RFTN1: variants seen among roughly 807,000 people sequenced by gnomAD.
RFTN1 encodes the protein raftlin, lipid raft linker 1, also known as raftlin.
RFTN1 carries 26 observed loss-of-function variants against 46.5 expected under a neutral mutation model. The observed-to-expected ratio is 0.56, with a 90% CI of 0.41 to 0.78. The LOEUF (loss-of-function observed/expected upper bound fraction) is 0.78, where lower values mean the gene tolerates loss of function less well. Among genes scored for constraint, RFTN1 ranks in the 30% least tolerant of loss-of-function variants. RFTN1 has a pLI of 0.00. For synonymous variants in RFTN1, 261 were observed against 284.2 expected, an observed-to-expected ratio of 0.92 and a Z score of 0.82; for missense variants, 693 against 718.7, an observed-to-expected ratio of 0.96 and a Z score of 0.41.
rs1321437724 is a variant in RFTN1 at position 16,381,233 on chromosome 3, AT to A, written c.442-3132del. Among the ~76,000 whole-genome samples, 1 of 152,222 alleles carries A rather than the reference AT, an allele frequency of 6.6e-6. No homozygotes were observed. The highest frequency in any genetic ancestry group is 1.5e-5 in the Non-Finnish European group (1 of 68,028). Reference sequence around the variant, plus strand: ...GTCACCAAAATGAAAACAGCACTGTATTTGGGGAGTGGGGCTATAAGTGATT... The same window carrying A: ...GTCACCAAAATGAAAACAGCACTGTATTGGGGAGTGGGGCTATAAGTGATT... On this transcript the variant is annotated intron_variant, in intron 4 of 9. Coordinates refer to ENST00000334133, the MANE Select transcript of RFTN1 (RefSeq NM_015150.2). This position sits in a 1 kb window ranked among gnomAD's most constrained non-coding sequence, Gnocchi z 4.2.
At position 16,384,846 on chromosome 3, in the gene RFTN1, A is replaced by G. The variant is rs2074113107; in HGVS notation, c.442-6744T>C. 6.6e-6 allele frequency among the ~76,000 whole-genome samples: 1 copy of G among 152,172 alleles called. No homozygotes were observed. The highest frequency in any genetic ancestry group is 2.1e-4 in the South Asian group (1 of 4,830). ...CACCAGCCACTTGTGGCTAGTGATG[A>G]CCCCATGGACAGTGCAGGTGTAGAA... is the stretch of plus-strand genomic sequence containing the variant. On this transcript the variant is annotated intron_variant, in intron 4 of 9. Coordinates refer to ENST00000334133, the MANE Select transcript of RFTN1 (RefSeq NM_015150.2). The surrounding 1 kb of genome is among the most constrained non-coding windows in gnomAD (Gnocchi z 4.7).
rs1394646047 is a variant in RFTN1, at chr3:16,413,452, A to G, written c.333-3969T>C. Among the ~76,000 whole-genome samples, 2 of 152,218 alleles carry G rather than the reference A, an allele frequency of 1.3e-5. No individual in the cohort carries two copies. The highest frequency in any genetic ancestry group is 2.9e-5 in the Non-Finnish European group (2 of 68,026). ...GCTGAGCAGGCATTGCCACCTTCCT[A>G]TGGGGTAGTGGAAATACCAGGTATG... is the stretch of plus-strand genomic sequence containing the variant. On this transcript the variant is annotated intron_variant, in intron 3 of 9. Transcript: ENST00000334133. This position sits in a 1 kb window ranked among gnomAD's most constrained non-coding sequence, Gnocchi z 4.7.
chr3:16,394,798 C>A (rs2074431033), intron 4 of RFTN1, among the ~76,000 whole-genome samples: 1 of 152,034 alleles, frequency 6.6e-6, no homozygotes, highest in South Asian at 2.1e-4. Flanking sequence ...GACATATGAG[C>A]TGGACAAGAA....
At position 16,327,989 on chromosome 3, in the gene RFTN1, C is replaced by T. The variant is rs887126249; in HGVS notation, c.1147-1113G>A. 3.9e-5 allele frequency among the ~76,000 whole-genome samples: 6 copies of T among 152,164 alleles called. No homozygotes were observed. The highest frequency in any genetic ancestry group is 8.8e-5 in the Non-Finnish European group (6 of 68,036). ...AGTTTGGCTTCTTGTAGTTGGCTTC[C>T]GAAAATCTCAAACATGTATCCAGAT... On this transcript the variant is annotated intron_variant, in intron 7 of 9. Coordinates refer to ENST00000334133, the MANE Select transcript of RFTN1 (RefSeq NM_015150.2). The surrounding 1 kb of genome is among the most constrained non-coding windows in gnomAD (Gnocchi z 4.2).
chr3:16,323,219 C>A (rs186654164), intron 9 of RFTN1, among the ~76,000 whole-genome samples, 157 bp downstream of exon 9: 1 of 152,276 alleles, frequency 6.6e-6, no homozygotes, highest in Non-Finnish European at 1.5e-5. Context: ...GTTTTAGCAG[C>A]CTGAGATGTG....
rs536088935 is a variant in RFTN1, at chr3:16,498,712, G to C, written c.-8-4835C>G. Among the ~76,000 whole-genome samples, 20 of 152,306 alleles carry C rather than the reference G, an allele frequency of 1.3e-4. No homozygotes were observed. Among genetic ancestry groups the C allele is most frequent in the African/African-American group, 4.1e-4 (17 of 41,552 alleles). On this transcript the variant is annotated intron_variant, in intron 1 of 9. Coordinates refer to ENST00000334133, the MANE Select transcript of RFTN1 (RefSeq NM_015150.2). This position sits in a 1 kb window ranked among gnomAD's most constrained non-coding sequence, Gnocchi z 5.2. ...CCTCCTACTCTTTTGTGTAGAGGCA[G>C]CTAGCCTGCTCCCTGCTGCCACACC...
At chr3:16,501,795 A>C (rs2076714718) in intron 1 of RFTN1, among the ~76,000 whole-genome samples, 1 of 152,242 alleles carries the variant, frequency 6.6e-6, no homozygotes, top group South Asian at 2.1e-4. Context: ...AGTTCAGTAG[A>C]GTATTCAGAT....
At position 16,459,536 on chromosome 3, in the gene RFTN1, T is replaced by C. The variant is rs1575323023; in HGVS notation, c.146-25499A>G. Among the ~76,000 whole-genome samples, 2 of 152,160 alleles carry C rather than the reference T, an allele frequency of 1.3e-5. No homozygotes were observed. Among genetic ancestry groups the C allele is most frequent in the African/African-American group, 4.8e-5 (2 of 41,420 alleles). ...TAAGCTCAGGAGTTCAAGGCTACAG[T>C]GAGCTGTGATCGTGCCACTGCACTC... On this transcript the variant is annotated intron_variant, in intron 2 of 9. Transcript: ENST00000334133. The surrounding 1 kb of genome is among the most constrained non-coding windows in gnomAD (Gnocchi z 4.2).
At chr3:16,508,292 G>A (rs2076843079) in intron 1 of RFTN1, among the ~76,000 whole-genome samples, 1 of 152,172 alleles carries the variant, frequency 6.6e-6, no homozygotes, top group Non-Finnish European at 1.5e-5. Flanking sequence ...CCGGAGGCAG[G>A]TCAAATCCAG....
chr3:16,423,479 C>T (rs1488290211), intron 3 of RFTN1, among the ~76,000 whole-genome samples: 1 of 152,176 alleles, frequency 6.6e-6, no homozygotes, highest in Non-Finnish European at 1.5e-5. Flanking sequence ...TATTAGAAGA[C>T]AGGTGCCAAT....
At chr3:16,487,823 G>A (rs575187541) in intron 2 of RFTN1, among the ~76,000 whole-genome samples, 6 of 152,310 alleles carry the variant, frequency 3.9e-5, no homozygotes, top group African/African-American at 1.4e-4. Context: ...ACGGGGTACC[G>A]TTTTGCAGAA....
At chr3:16,432,942 TC>T (rs555896959) in intron 3 of RFTN1, among the ~76,000 whole-genome samples, 113 of 152,232 alleles carry the variant, frequency 7.4e-4, no homozygotes, top group Non-Finnish European at 1.5e-3. Flanking sequence ...CTCACAGCTG[TC>T]CCTTATGAGC....
At chr3:16,389,731 CACA>C (rs576452002) in intron 4 of RFTN1, among the ~76,000 whole-genome samples, 153 of 152,238 alleles carry the variant, frequency 1.0e-3, no homozygotes, top group African/African-American at 3.5e-3. Flanking sequence ...CAAAGATGGC[CACA>C]ACAATATTTC....
At chr3:16,501,569 G>A (rs180761441) in intron 1 of RFTN1, among the ~76,000 whole-genome samples, 29 of 152,280 alleles carry the variant, frequency 1.9e-4, no homozygotes, top group African/African-American at 4.1e-4. Context: ...CCAACAGCTC[G>A]TGACAAGCAA....
At position 16,422,359 on chromosome 3, in the gene RFTN1, GGTGGCTCACGCCT is replaced by G. The variant is rs1456275007; in HGVS notation, c.332+11479_332+11491del. Among the ~76,000 whole-genome samples the G allele has an allele frequency of 6.6e-6, 1 of 152,088 alleles. No individual in the cohort carries two copies. The highest frequency in any genetic ancestry group is 1.5e-5 in the Non-Finnish European group (1 of 68,020). On this transcript the variant is annotated intron_variant, in intron 3 of 9. Coordinates refer to ENST00000334133, the MANE Select transcript of RFTN1 (RefSeq NM_015150.2). This position sits in a 1 kb window ranked among gnomAD's most constrained non-coding sequence, Gnocchi z 4.6. The stretch of plus-strand genomic sequence containing the variant: ...AAAGAATAGTGCCCTGGCCGGGTGT[GGTGGCTCACGCCT>G]GTAATCCCAGCACTTTGGGAGGCTG...
intron 2 of RFTN1, among the ~76,000 whole-genome samples, chr3:16,478,768 T>C (rs1190133170): frequency 9.2e-5 from 14 of 152,192 alleles, no homozygotes; most frequent in Admixed American, 6.5e-4. Flanking sequence ...GCTATTGGGC[T>C]TAGGGCCCCA....
Position 16,329,530 on chromosome 3 carries a change from C to T in RFTN1, c.1147-2654G>A, listed in dbSNP as rs1216514978. On this transcript the variant is annotated intron_variant, in intron 7 of 9. Coordinates refer to ENST00000334133, the MANE Select transcript of RFTN1 (RefSeq NM_015150.2). The surrounding 1 kb of genome is among the most constrained non-coding windows in gnomAD (Gnocchi z 4.5). ...CAGCAGTTGTGACCATCCTTTCTGC[C>T]TGGCCTCTGGGCACACGCACACCTC... Among the ~76,000 whole-genome samples, 1 of 152,146 alleles carries T rather than the reference C, an allele frequency of 6.6e-6. No individual in the cohort carries two copies. Among genetic ancestry groups the T allele is most frequent in the Non-Finnish European group, 1.5e-5 (1 of 68,016 alleles).
At position 16,422,340 on chromosome 3, in the gene RFTN1, T is replaced by C. The variant is rs1156323883; in HGVS notation, c.332+11511A>G. On this transcript the variant is annotated intron_variant, in intron 3 of 9. Transcript: ENST00000334133. This position sits in a 1 kb window ranked among gnomAD's most constrained non-coding sequence, Gnocchi z 4.6. ...AAGTTATCAAGATCCTAAAAAAGAATAGTGCCCTGGCCGGGTGTGGTGGCT... is the reference window on the plus strand; with the variant it reads ...AAGTTATCAAGATCCTAAAAAAGAACAGTGCCCTGGCCGGGTGTGGTGGCT... 6.6e-6 allele frequency among the ~76,000 whole-genome samples: 1 copy of C among 152,026 alleles called. No homozygotes were observed. Among genetic ancestry groups the C allele is most frequent in the Non-Finnish European group, 1.5e-5 (1 of 67,972 alleles).
Position 16,410,572 on chromosome 3 carries a change from C to T in RFTN1, c.333-1089G>A. ...TCAACCCCTTTAGAGGGCAATCTGG[C>T]AAAATCTATGGAAATTAAAGATGCA... On this transcript the variant is annotated intron_variant, in intron 3 of 9. Transcript: ENST00000334133. The surrounding 1 kb of genome is among the most constrained non-coding windows in gnomAD (Gnocchi z 4.6). 6.6e-6 allele frequency among the ~76,000 whole-genome samples: 1 copy of T among 152,042 alleles called. No individual in the cohort carries two copies. Among genetic ancestry groups the T allele is most frequent in the Non-Finnish European group, 1.5e-5 (1 of 68,008 alleles).
Sources: allele counts gnomAD v4.1 joint callset (sites outside exome capture counted in the v4.1 genomes callset), GRCh38; gene constraint gnomAD v4.1.1; non-coding constraint Gnocchi (gnomAD v3.1); transcripts MANE v1.5; gene names NCBI Gene and HGNC (gene_info 2026-07-23, HGNC 2026-07-21).